The following SORT1 variants were observed in gnomAD, a reference collection of about 807,000 sequenced individuals.
SORT1 encodes the protein sortilin 1, also known as sortilin.
A neutral mutation model predicts 101.7 loss-of-function variants in SORT1; 39 were observed. The observed-to-expected ratio is 0.38, with a 90% CI of 0.30 to 0.50. The LOEUF (loss-of-function observed/expected upper bound fraction) is 0.50, where lower values mean the gene tolerates loss of function less well. Ranked by LOEUF, SORT1 falls within the 20% of genes least tolerant of loss-of-function variation. SORT1 has a pLI of 0.90. For synonymous variants in SORT1, 396 were observed against 393.7 expected (o/e 1.01, Z -0.07); for missense variants, 878 against 1,040.4 (o/e 0.84, Z 2.15).
intron 5 of SORT1, 52 bp from the exon 6 acceptor site, chr1:109,351,054 G>T (rs78394805): frequency 8.6e-7 from 1 of 1,161,094 alleles, no homozygotes; most frequent in Non-Finnish European, 1.3e-6. Flanking sequence ...CTGTGTAGTT[G>T]CTTGTATGAC....
chr1:109,327,201 T>C (rs1648137810), intron 12 of SORT1, 41 bp from the exon 13 acceptor site: 8 of 1,470,560 alleles, frequency 5.4e-6, no homozygotes, highest in Non-Finnish European at 7.6e-6. Context: ...AAATAGGCAA[T>C]GAAACAGAGA....
At chr1:109,332,721 G>C (rs138464273) in intron 11 of SORT1, among the ~76,000 whole-genome samples, 134 of 152,124 alleles carry the variant, frequency 8.8e-4, no homozygotes, top group African/African-American at 2.8e-3. Context: ...ATATATTATT[G>C]AGCTATAGTA....
chr1:109,325,108 A>C lies in SORT1; in HGVS notation c.1644-19T>G, dbSNP rs1438351205. On this transcript the variant is annotated intron_variant, in intron 13 of 19. Transcript: ENST00000256637. ...GGAGAACCTGAAACCACAATTACAG[A>C]AAGATCATGACAGAGGATCAATGTG... 2 of 1,575,916 alleles carry C rather than the reference A, an allele frequency of 1.3e-6. No homozygotes were observed. Among genetic ancestry groups the C allele is most frequent in the African/African-American group, 2.7e-5 (2 of 74,036 alleles).
At chr1:109,336,460 G>A in intron 10 of SORT1, 114 bp from the exon 11 acceptor site, 1 of 695,324 alleles carries the variant, frequency 1.4e-6, no homozygotes, top group East Asian at 2.6e-5. Context: ...AGTCCGACAA[G>A]CTTGTAACAC....
At chr1:109,340,947 C>CCA (rs200072499) in intron 9 of SORT1, 68 bp from the exon 10 acceptor site, 3 of 1,200,506 alleles carry the variant, frequency 2.5e-6, no homozygotes, top group East Asian at 2.9e-5. Context: ...AATAGTCTAA[C>CCA]CACACACGAT....
intron 1 of SORT1, among the ~76,000 whole-genome samples, chr1:109,373,333 A>G (rs1278414143): frequency 2.0e-5 from 3 of 152,192 alleles, no homozygotes; most frequent in Non-Finnish European, 4.4e-5. Context: ...GCAGAAGATT[A>G]GAGAAGAAAG....
At chr1:109,343,201 T>C (rs1649345928) in intron 8 of SORT1, among the ~76,000 whole-genome samples, 1 of 152,188 alleles carries the variant, frequency 6.6e-6, no homozygotes, top group South Asian at 2.1e-4. Flanking sequence ...ACAGGGTTAT[T>C]GGGAGGATAT....
At chr1:109,354,291 TA>T in intron 5 of SORT1, 75 bp downstream of exon 5, 1 of 1,069,440 alleles carries the variant, frequency 9.4e-7, no homozygotes, top group Non-Finnish European at 1.3e-6. Flanking sequence ...AAGCATTTCC[TA>T]AAGGATCCTT....
intron 5 of SORT1, among the ~76,000 whole-genome samples, chr1:109,352,889 A>T (rs1220822691): frequency 6.6e-6 from 1 of 152,146 alleles, no homozygotes; most frequent in Non-Finnish European, 1.5e-5. Flanking sequence ...GTCAAAGGGG[A>T]GCTCTATGGG....
Position 109,397,871 on chromosome 1 carries a change from C to T in SORT1, c.22G>A (p.Ala8Thr), listed in dbSNP as rs1233201636. The change falls in exon 1 of 20, where the codon GCG (alanine) becomes ACG (threonine). Residue 8 changes from alanine to threonine, a missense_variant. Physicochemically the swap from Ala to Thr is moderately conservative, Grantham distance 58. Coordinates refer to ENST00000256637, the MANE Select transcript of SORT1 (RefSeq NM_002959.7). ...TGGGGCCAGCGCGAGAGGCCGTCCG[C>T]AGCTCCCCAGGGCCGCTCCATCGCC... MERPWGA[A>T]DGLSRWPHGL... is the part of the protein sequence containing the mutation. 3.2e-6 allele frequency: 4 copies of T among 1,262,224 alleles called. No individual in the cohort carries two copies. Among genetic ancestry groups the T allele is most frequent in the Non-Finnish European group, 3.0e-6 (3 of 994,184 alleles). 78.2% of individuals were successfully genotyped at this position (1,262,224 alleles called of 1,614,324 possible).
chr1:109,351,498 G>A (rs1649959151), intron 5 of SORT1, among the ~76,000 whole-genome samples: 2 of 152,242 alleles, frequency 1.3e-5, no homozygotes, highest in South Asian at 4.1e-4. Flanking sequence ...GCTGCACAAA[G>A]AGAGACTAGT....
At chr1:109,390,752 A>AGTGTGT (rs749381586) in intron 1 of SORT1, among the ~76,000 whole-genome samples, 28 of 144,422 alleles carry the variant, frequency 1.9e-4, no homozygotes, top group African/African-American at 7.7e-4. Flanking sequence ...AATATTAGAA[A>AGTGTGT]GTGTGTGTGT....
chr1:109,348,623 G>T (rs1649757547), intron 6 of SORT1, among the ~76,000 whole-genome samples: 1 of 151,920 alleles, frequency 6.6e-6, no homozygotes, highest in Non-Finnish European at 1.5e-5. Context: ...TGAGTAACGA[G>T]GACTACAGGT....
At chr1:109,375,333 C>A (rs1258228333) in intron 1 of SORT1, among the ~76,000 whole-genome samples, 1 of 151,876 alleles carries the variant, frequency 6.6e-6, no homozygotes, top group Non-Finnish European at 1.5e-5. Context: ...GAGGCCAAGG[C>A]GGGCAGATCA....
chr1:109,316,796 T>C lies in SORT1; in HGVS notation c.2250+54A>G, dbSNP rs565920478. ...TTGATGCTTTAACTTTGATTTTTCT[T>C]AGCAGAACACAAAATCCCATTTGTA... On this transcript the variant is annotated intron_variant, in intron 17 of 19. Transcript: ENST00000256637. 6.1e-4 allele frequency: 706 copies of C among 1,154,230 alleles called. 3 individuals carry two copies. Among genetic ancestry groups the C allele is most frequent in the Non-Finnish European group, 3.6e-5 (28 of 785,268 alleles). The allele number at this position is 1,154,230 out of a possible 1,614,324, so 71.5% of individuals were successfully genotyped here.
chr1:109,348,863 G>A (rs2101593897), intron 6 of SORT1, among the ~76,000 whole-genome samples: 1 of 152,128 alleles, frequency 6.6e-6, no homozygotes, highest in East Asian at 1.9e-4. Context: ...CAGCGACTGG[G>A]AAGGCTGAAG....
At position 109,327,161 on chromosome 1, in the gene SORT1, C is replaced by G; in HGVS notation, c.1475-1G>C. 6.2e-7 allele frequency: 1 copy of G among 1,610,362 alleles called. No individual in the cohort carries two copies. Among genetic ancestry groups the G allele is most frequent in the Non-Finnish European group, 8.5e-7 (1 of 1,177,364 alleles). ...ACTGAGATGGCATCCCCCACGCTACCTGCAATATAATCCACCATCTCATTA... is the reference window on the plus strand; with the variant it reads ...ACTGAGATGGCATCCCCCACGCTACGTGCAATATAATCCACCATCTCATTA... On this transcript the variant is annotated splice_acceptor_variant, in intron 12 of 19. Coordinates refer to ENST00000256637, the MANE Select transcript of SORT1 (RefSeq NM_002959.7). LOFTEE classifies it high-confidence loss of function.
rs1188891479 is a variant in SORT1 at position 109,326,484 on chromosome 1, CATATATAT to C, written c.1643+500_1643+507del. Among the ~76,000 whole-genome samples, 193 of 87,838 alleles carry C rather than the reference CATATATAT, an allele frequency of 2.2e-3. 9 individuals carry two copies. The highest frequency in any genetic ancestry group is 7.7e-3 in the African/African-American group (188 of 24,480). 57.6% of individuals were successfully genotyped at this position (87,838 alleles called of 152,430 possible). On this transcript the variant is annotated intron_variant, in intron 13 of 19. Coordinates refer to ENST00000256637, the MANE Select transcript of SORT1 (RefSeq NM_002959.7). Reference sequence around the variant, plus strand: ...ATATATACATACACACACACACACACATATATATACACACATATATACACACATACACA... The same window carrying C: ...ATATATACATACACACACACACACACACACACATATATACACACATACACA...
chr1:109,355,483 A>G lies in SORT1; in HGVS notation c.441-14T>C. 1 of 1,290,128 alleles carries G rather than the reference A, an allele frequency of 7.8e-7. No individual in the cohort carries two copies. The highest frequency in any genetic ancestry group is 1.2e-5 in the South Asian group (1 of 84,556). 79.9% of individuals were successfully genotyped at this position (1,290,128 alleles called of 1,614,324 possible). ...CCATAATCCTCACTGAGAGGAAGAA[A>G]AAAAGGGCAAATTTAGGGTGCAGTG... On this transcript the variant is annotated splice_polypyrimidine_tract_variant and intron_variant, in intron 3 of 19. Transcript: ENST00000256637.
Sources: allele counts gnomAD v4.1 joint callset (sites outside exome capture counted in the v4.1 genomes callset), GRCh38; gene constraint gnomAD v4.1.1; transcripts MANE v1.5; gene names NCBI Gene and HGNC (gene_info 2026-07-23, HGNC 2026-07-21).